TRPC5: variants seen among roughly 807,000 people sequenced by gnomAD.
TRPC5 encodes the protein transient receptor potential cation channel subfamily C member 5, also known as short transient receptor potential channel 5.
Under a neutral mutation model 56.5 loss-of-function variants are expected in TRPC5, and 9 were observed. That is an observed-to-expected ratio of 0.16 (90% CI 0.10 to 0.28). The LOEUF is 0.28. Among genes scored for constraint, TRPC5 ranks in the 10% least tolerant of loss-of-function variants. TRPC5 has a pLI of 1.00. For missense variants in TRPC5, 469 were observed against 748.9 expected (o/e 0.63, Z 4.36); for synonymous variants, 282 against 278.5 (o/e 1.01, Z -0.13).
intron 1 of TRPC5, among the ~76,000 whole-genome samples, chrX:112,039,388 C>T (rs1929836261): frequency 8.9e-6 from 1 of 111,738 alleles, no homozygotes; most frequent in African/African-American, 3.3e-5. Flanking sequence ...AAGGCTTTCA[C>T]CCGGAGGTCT....
chrX:111,801,930 C>T (rs990147667), intron 7 of TRPC5, among the ~76,000 whole-genome samples: 14 of 111,752 alleles, frequency 1.3e-4, no homozygotes, highest in African/African-American at 4.5e-4. Flanking sequence ...CTTGTGCTTC[C>T]AGTGTCATAT....
At chrX:111,847,919 G>A (rs866602793) in intron 5 of TRPC5, among the ~76,000 whole-genome samples, 3 of 111,310 alleles carry the variant, frequency 2.7e-5, no homozygotes, top group Admixed American at 9.5e-5. Flanking sequence ...AGGAGTAGAC[G>A]CAGCCTTCTC....
chrX:111,811,293 T>C (rs1054439962), intron 7 of TRPC5, among the ~76,000 whole-genome samples: 2 of 113,021 alleles, frequency 1.8e-5, no homozygotes, highest in Non-Finnish European at 3.7e-5. Flanking sequence ...TAAGGAGATA[T>C]ATAGATTTTG....
chrX:112,019,410 A>G (rs1325604551), intron 1 of TRPC5, among the ~76,000 whole-genome samples: 2 of 111,638 alleles, frequency 1.8e-5, no homozygotes, highest in African/African-American at 6.5e-5. Context: ...GGCATGTTAA[A>G]TATAATATAA....
intron 2 of TRPC5, among the ~76,000 whole-genome samples, chrX:111,944,303 T>TGTGTGTGAAA (rs1173179815): frequency 2.0e-4 from 12 of 61,371 alleles, no homozygotes; most frequent in African/African-American, 1.3e-3. Flanking sequence ...TGTGTGTGTG[T>TGTGTGTGAAA]GAGAGAGAGA....
intron 1 of TRPC5, among the ~76,000 whole-genome samples, chrX:111,987,521 C>G (rs756060798): frequency 9.0e-6 from 1 of 111,161 alleles, no homozygotes; most frequent in Non-Finnish European, 1.9e-5. Flanking sequence ...TCTCCCCACA[C>G]CCCAACAACT....
intron 1 of TRPC5, among the ~76,000 whole-genome samples, chrX:112,042,646 C>T (rs949297967): frequency 1.1e-4 from 12 of 111,468 alleles, no homozygotes; most frequent in African/African-American, 3.6e-4. Flanking sequence ...CGGTTCCCAA[C>T]ACCTGGCTTT....
At chrX:111,800,469 A>C (rs1921268960) in intron 7 of TRPC5, among the ~76,000 whole-genome samples, 1 of 111,138 alleles carries the variant, frequency 9.0e-6, no homozygotes, top group South Asian at 3.9e-4. Flanking sequence ...GTCTCTACTA[A>C]AAATCCAAAA....
intron 3 of TRPC5, among the ~76,000 whole-genome samples, chrX:111,867,668 G>A (rs1284713156): frequency 8.9e-6 from 1 of 111,878 alleles, no homozygotes; most frequent in African/African-American, 3.3e-5. Context: ...GTCTTTGCAG[G>A]CATTTACTGT....
chrX:111,777,415 G>A (rs1280718360), intron 10 of TRPC5, among the ~76,000 whole-genome samples: 2 of 110,477 alleles, frequency 1.8e-5, no homozygotes, highest in Non-Finnish European at 3.8e-5. Flanking sequence ...TGAATGTCAG[G>A]TGATGAGACT....
intron 1 of TRPC5, among the ~76,000 whole-genome samples, chrX:111,965,706 A>T (rs1927543329): frequency 5.4e-5 from 6 of 112,123 alleles, no homozygotes; most frequent in Admixed American, 4.7e-4. Flanking sequence ...AAACTGAACA[A>T]CCTGCTCCTG....
chrX:111,944,267 A>AGTAT lies in TRPC5; in HGVS notation c.378+7775_378+7776insATAC, dbSNP rs773983065. Among the ~76,000 whole-genome samples the AGTAT allele has an allele frequency of 3.2e-4, 23 of 71,738 alleles. 1 individual carries two copies. Among genetic ancestry groups the AGTAT allele is most frequent in the South Asian group, 1.1e-3 (1 of 950 alleles). 62.3% of individuals were successfully genotyped at this position (71,738 alleles called of 115,157 possible). On this transcript the variant is annotated intron_variant, in intron 2 of 10. Coordinates refer to ENST00000262839, the MANE Select transcript of TRPC5 (RefSeq NM_012471.3). ...GGCCAAGGAGGTGTGGGAGTAGAAGAGTGTGTGTGTGTGTGTGTGTGTGTG... is the reference window on the plus strand; with the variant it reads ...GGCCAAGGAGGTGTGGGAGTAGAAGAGTATGTGTGTGTGTGTGTGTGTGTGTGTG...
chrX:111,786,097 C>T (rs1260213704), intron 7 of TRPC5, among the ~76,000 whole-genome samples: 1 of 110,802 alleles, frequency 9.0e-6, no homozygotes, highest in Non-Finnish European at 1.9e-5. Flanking sequence ...AAGAGCAACC[C>T]CAAGACACAT....
At chrX:111,859,794 G>T in intron 3 of TRPC5, among the ~76,000 whole-genome samples, 1 of 112,172 alleles carries the variant, frequency 8.9e-6, no homozygotes, top group East Asian at 2.8e-4. Flanking sequence ...CCTTGGTAAA[G>T]TAACCAGTTT....
chrX:111,913,249 T>A (rs1443787221), intron 2 of TRPC5, among the ~76,000 whole-genome samples: 1 of 111,140 alleles, frequency 9.0e-6, no homozygotes, highest in Non-Finnish European at 1.9e-5. Flanking sequence ...TACAGAGAAG[T>A]AAAGGACATT....
chrX:111,798,996 G>A (rs1921211245), intron 7 of TRPC5, among the ~76,000 whole-genome samples: 3 of 111,832 alleles, frequency 2.7e-5, no homozygotes, highest in South Asian at 7.7e-4. Flanking sequence ...GGCAGCTGAC[G>A]AGTTTGCAGA....
intron 2 of TRPC5, among the ~76,000 whole-genome samples, chrX:111,935,812 C>G (rs892101052): frequency 9.0e-5 from 10 of 111,437 alleles, no homozygotes; most frequent in African/African-American, 1.6e-4. Flanking sequence ...GTTCTCTATT[C>G]TGTTCCACTG....
chrX:111,914,640 C>T lies in TRPC5; in HGVS notation c.379-1828G>A, dbSNP rs1326750384. 4.5e-5 allele frequency among the ~76,000 whole-genome samples: 5 copies of T among 111,978 alleles called. No homozygotes were observed. In the Admixed American group the frequency reaches 4.7e-4, roughly 11 times the overall value. Reference sequence around the variant, plus strand: ...GTCATTAATGGCTAGGATGGAGCAGCGAGTAAACACTGTTAAACATTTAGA... The same window carrying T: ...GTCATTAATGGCTAGGATGGAGCAGTGAGTAAACACTGTTAAACATTTAGA... On this transcript the variant is annotated intron_variant, in intron 2 of 10. Coordinates refer to ENST00000262839, the MANE Select transcript of TRPC5 (RefSeq NM_012471.3).
chrX:112,080,682 A>G (rs1388047692), intron 1 of TRPC5, among the ~76,000 whole-genome samples: 2 of 112,047 alleles, frequency 1.8e-5, no homozygotes, highest in East Asian at 5.6e-4. Context: ...TTTTAAAGAC[A>G]TGATGAAAGG....
Sources: allele counts gnomAD v4.1 joint callset (sites outside exome capture counted in the v4.1 genomes callset), GRCh38; gene constraint gnomAD v4.1.1; transcripts MANE v1.5; gene names NCBI Gene and HGNC (gene_info 2026-07-23, HGNC 2026-07-21).